DAAM2: variants seen among roughly 807,000 people sequenced by gnomAD.
DAAM2 encodes the protein disheveled-associated activator of morphogenesis 2.
In DAAM2, 39 loss-of-function variants were observed where a neutral mutation model predicts 120.7. The observed-to-expected ratio is 0.32, with a 90% CI of 0.25 to 0.42. The LOEUF (loss-of-function observed/expected upper bound fraction) is 0.42, where lower values mean the gene tolerates loss of function less well. Ranked by LOEUF, DAAM2 falls within the 10% of genes least tolerant of loss-of-function variation. The pLI, the probability that DAAM2 is intolerant of heterozygous loss-of-function variation, is 1.00. For synonymous variants in DAAM2, 488 were observed against 524.9 expected, an observed-to-expected ratio of 0.93 and a Z score of 0.96; for missense variants, 1,283 against 1,401.7, an observed-to-expected ratio of 0.92 and a Z score of 1.35.
intron 1 of DAAM2, among the ~76,000 whole-genome samples, chr6:39,841,353 C>T (rs1763329564): frequency 3.1e-5 from 1 of 32,496 alleles, no homozygotes; most frequent in Admixed American, 4.5e-4. Flanking sequence ...GGAGAGGCTC[C>T]AGGGGGAGGG....
intron 2 of DAAM2, among the ~76,000 whole-genome samples, chr6:39,857,023 G>A (rs569335091): frequency 2.1e-3 from 318 of 152,296 alleles, no homozygotes; most frequent in Non-Finnish European, 3.4e-3. Context: ...AGGGGCAGGC[G>A]GAAGCTCTGC....
chr6:39,830,445 T>G (rs2114189991), intron 1 of DAAM2, among the ~76,000 whole-genome samples: 1 of 151,874 alleles, frequency 6.6e-6, no homozygotes, highest in Middle Eastern at 3.4e-3. Context: ...GCTGACAGAG[T>G]GGGGCTCTGA....
rs114713818 is a variant in DAAM2 at position 39,843,381 on chromosome 6, G to A, written c.-56-12866G>A. Among the ~76,000 whole-genome samples, 707 of 152,220 alleles carry A rather than the reference G, an allele frequency of 4.6e-3. 3 individuals are homozygous for A. Among genetic ancestry groups the A allele is most frequent in the African/African-American group, 0.016 (673 of 41,518 alleles). On this transcript the variant is annotated intron_variant, in intron 1 of 24. Transcript: ENST00000274867. ...AGCAGTTACTGAGATGTAGATCAAC[G>A]CCGCTTGAACAGGAAGCCACCCCAG...
intron 7 of DAAM2, among the ~76,000 whole-genome samples, chr6:39,869,706 G>A (rs1350068736): frequency 2.0e-5 from 3 of 150,444 alleles, no homozygotes; most frequent in Admixed American, 6.6e-5. Flanking sequence ...AGGGGGCAAA[G>A]GGAGCAATTT....
chr6:39,837,087 A>G (rs9369139), intron 1 of DAAM2, among the ~76,000 whole-genome samples: 22,413 of 152,130 alleles, frequency 0.15, 3,260 homozygotes, highest in East Asian at 0.36. Context: ...ATGTGCATGT[A>G]GGTAGAGAAA....
intron 9 of DAAM2, among the ~76,000 whole-genome samples, chr6:39,871,924 G>T (rs1764680101): frequency 6.6e-6 from 1 of 152,196 alleles, no homozygotes; most frequent in Non-Finnish European, 1.5e-5. Context: ...GGGGCCACTG[G>T]AGCAAGTTCT....
intron 1 of DAAM2, chr6:39,821,826 C>T (rs1762498514): frequency 1.3e-5 from 2 of 152,228 alleles, no homozygotes; most frequent in South Asian, 2.1e-4. Context: ...TGCCAGAGAC[C>T]AGTGACATTT....
intron 14 of DAAM2, chr6:39,881,694 T>G (rs1765127051): frequency 6.6e-6 from 1 of 152,030 alleles, no homozygotes; most frequent in South Asian, 2.1e-4. Context: ...CACTCCAACC[T>G]GGGCAACAGA....
intron 15 of DAAM2, 22 bp downstream of exon 15, chr6:39,884,091 C>A (rs1765262900): frequency 2.3e-6 from 3 of 1,307,850 alleles, no homozygotes; most frequent in Admixed American, 1.8e-5. Flanking sequence ...TACCCTCTGG[C>A]CTCTTGGACC....
chr6:39,818,941 T>C (rs911650750), intron 1 of DAAM2: 3 of 152,220 alleles, frequency 2.0e-5, no homozygotes, highest in African/African-American at 7.2e-5. Flanking sequence ...TCCTTCTGGC[T>C]CTGACATTCT....
intron 1 of DAAM2, among the ~76,000 whole-genome samples, chr6:39,810,246 T>C (rs1294285271): frequency 5.3e-5 from 8 of 152,182 alleles, no homozygotes; most frequent in Non-Finnish European, 1.0e-4. Context: ...GACCCATTCA[T>C]AGGAAGAAAG....
chr6:39,866,216 A>G (rs1764424518), intron 5 of DAAM2, among the ~76,000 whole-genome samples: 1 of 152,222 alleles, frequency 6.6e-6, no homozygotes, highest in Admixed American at 6.5e-5. Flanking sequence ...TGAGGTAGTC[A>G]GGAAATAAAG....
chr6:39,802,732 A>T (rs1466674338), intron 1 of DAAM2, among the ~76,000 whole-genome samples: 1 of 152,224 alleles, frequency 6.6e-6, no homozygotes, highest in Non-Finnish European at 1.5e-5. Context: ...TCCATTAAAA[A>T]TTTTTATTTT....
chr6:39,817,791 C>T (rs1156592174), intron 1 of DAAM2, among the ~76,000 whole-genome samples: 4 of 152,102 alleles, frequency 2.6e-5, no homozygotes, highest in Admixed American at 2.6e-4. Flanking sequence ...CTCTGAAGGC[C>T]TCCAACTGAT....
At chr6:39,861,210 A>G in intron 3 of DAAM2, 193 bp downstream of exon 3, 1 of 672,442 alleles carries the variant, frequency 1.5e-6, no homozygotes, top group Non-Finnish European at 2.7e-6. Flanking sequence ...AAGAAATAGG[A>G]TTCTCTTTTT....
At chr6:39,817,803 A>C (rs1762352043) in intron 1 of DAAM2, among the ~76,000 whole-genome samples, 1 of 152,170 alleles carries the variant, frequency 6.6e-6, no homozygotes, top group Admixed American at 6.5e-5. Flanking sequence ...CCAACTGATC[A>C]AATGAGGCCT....
At chr6:39,893,332 C>T (rs759986515) in intron 19 of DAAM2, among the ~76,000 whole-genome samples, 14 of 152,228 alleles carry the variant, frequency 9.2e-5, no homozygotes, top group Non-Finnish European at 1.3e-4. Flanking sequence ...CTGGCTAACA[C>T]GGTGAAACCT....
chr6:39,901,432 GGAAGGA>G lies in DAAM2; in HGVS notation c.2944_2949del (p.Lys982_Glu983del), dbSNP rs767492809. ...CAGGATCTAGAGGCCATGAGGAGGA[GGAAGGA>G]GGAGGAGGAGCGGCGGGCGCGCATG... On this transcript the variant is annotated inframe_deletion, in exon 24 of 25. Coordinates refer to ENST00000274867, the MANE Select transcript of DAAM2 (RefSeq NM_001201427.2). The surrounding 1 kb of genome is among the most constrained non-coding windows in gnomAD (Gnocchi z 4.5). 4.3e-6 allele frequency: 7 copies of G among 1,612,908 alleles called. No individual in the cohort carries two copies. In the East Asian group the frequency reaches 1.6e-4, roughly 36 times the overall value.
intron 1 of DAAM2, chr6:39,821,458 T>C (rs1762485196): frequency 6.6e-6 from 1 of 152,228 alleles, no homozygotes; most frequent in African/African-American, 2.4e-5. Context: ...AGTTGGAAAA[T>C]AGCTGGATAA....
Sources: allele counts gnomAD v4.1 joint callset (sites outside exome capture counted in the v4.1 genomes callset), GRCh38; gene constraint gnomAD v4.1.1; non-coding constraint Gnocchi (gnomAD v3.1); transcripts MANE v1.5; gene names NCBI Gene and HGNC (gene_info 2026-07-23, HGNC 2026-07-21).